CEP192: variants seen among roughly 807,000 people sequenced by gnomAD.
CEP192 encodes centrosomal protein of 192 kDa.
In CEP192, 151 loss-of-function variants were observed where a neutral mutation model predicts 271.8. The ratio of observed to expected loss-of-function variants is 0.56; its 90% CI spans 0.49 to 0.64. The LOEUF (loss-of-function observed/expected upper bound fraction) is 0.64. CEP192 is among the 30% of genes least tolerant of loss of function. The pLI, the probability that CEP192 is intolerant of heterozygous loss-of-function variation, is 0.00. For missense variants in CEP192, 2,910 were observed against 3,020.5 expected (o/e 0.96, Z 0.86); for synonymous variants, 995 against 1,076.5 (o/e 0.92, Z 1.48).
chr18:13,012,587 C>G (rs982887980), intron 4 of CEP192, among the ~76,000 whole-genome samples: 1 of 152,064 alleles, frequency 6.6e-6, no homozygotes, highest in South Asian at 2.1e-4. Flanking sequence ...GCTGCAGCAC[C>G]TTTGTTGCGT....
chr18:13,117,494 G>A, intron 43 of CEP192, 91 bp from the exon 44 acceptor site: 1 of 898,134 alleles, frequency 1.1e-6, no homozygotes, highest in Non-Finnish European at 1.8e-6. Flanking sequence ...TTTACAAAAT[G>A]TATCTGTAAT....
At position 13,068,938 on chromosome 18, in the gene CEP192, A is replaced by T; in HGVS notation, c.4909A>T (p.Ser1637Cys). The T allele has an allele frequency of 1.2e-6, 2 of 1,614,224 alleles. No individual in the cohort carries two copies. Among genetic ancestry groups the T allele is most frequent in the African/African-American group, 1.3e-5 (1 of 75,062 alleles). The stretch of plus-strand genomic sequence containing the variant: ...CCCTACGCCCGTTCTTAGAAGTGTG[A>T]GTCTCCGAGCAAGAGCAGGAATAGC... ...PNPTPVLRSV[S>C]LRARAGIARI... Residue 1637 changes from serine (S) to cysteine (C), a missense_variant, in exon 25 of 45, where the codon AGT becomes TGT. Ser to Cys is a moderately radical substitution (Grantham distance 112). Coordinates refer to ENST00000506447, the MANE Select transcript of CEP192 (RefSeq NM_032142.4).
chr18:13,101,580 G>T (rs1332308784), intron 38 of CEP192, among the ~76,000 whole-genome samples: 1 of 152,060 alleles, frequency 6.6e-6, no homozygotes, highest in Non-Finnish European at 1.5e-5. Context: ...GTTGTCGGGG[G>T]ACCTGTTAGA....
chr18:13,050,536 A>G (rs572674692), intron 17 of CEP192, among the ~76,000 whole-genome samples: 4 of 151,680 alleles, frequency 2.6e-5, no homozygotes, highest in Admixed American at 1.3e-4. Flanking sequence ...ACACTTTCAT[A>G]TACATATACA....
intron 30 of CEP192, among the ~76,000 whole-genome samples, chr18:13,078,707 C>T (rs1163737122): frequency 1.3e-5 from 2 of 152,092 alleles, no homozygotes; most frequent in African/African-American, 4.8e-5. Context: ...CATATGTATA[C>T]ATGTGCCTTG....
intron 17 of CEP192, among the ~76,000 whole-genome samples, chr18:13,051,809 C>T (rs2036810037): frequency 6.6e-6 from 1 of 152,250 alleles, no homozygotes. Context: ...TCCCAAAGTG[C>T]TGGGATTACA....
chr18:13,092,506 A>G lies in CEP192; in HGVS notation c.6233A>G (p.Lys2078Arg). 1.2e-6 allele frequency: 2 copies of G among 1,607,786 alleles called. No individual in the cohort carries two copies. Among genetic ancestry groups the G allele is most frequent in the Non-Finnish European group, 1.7e-6 (2 of 1,177,848 alleles). Residue 2078 changes from lysine (K) to arginine (R), a missense_variant, in exon 34 of 45, where the codon AAA (lysine) becomes AGA (arginine). By Grantham distance (26) the Lys-to-Arg change is conservative. Coordinates refer to ENST00000506447, the MANE Select transcript of CEP192 (RefSeq NM_032142.4). Reference protein sequence around the residue: ...SSREFLQPSSKASLESTSDLG... With the variant: ...SSREFLQPSSRASLESTSDLG... ...AGAGAATTCCTTCAGCCTTCTTCCAAAGCTAGCTTGGAATCTACAAGGTAA... is the reference window on the plus strand; with the variant it reads ...AGAGAATTCCTTCAGCCTTCTTCCAGAGCTAGCTTGGAATCTACAAGGTAA...
At chr18:13,113,528 A>G (rs537352651) in intron 40 of CEP192, 58 bp from the exon 41 acceptor site, 8 of 1,539,504 alleles carry the variant, frequency 5.2e-6, no homozygotes, top group African/African-American at 1.4e-5. Context: ...CTGGTGATCT[A>G]GCTAACACTG....
At chr18:13,098,427 G>A (rs1598596867) in intron 36 of CEP192, among the ~76,000 whole-genome samples, 1 of 147,366 alleles carries the variant, frequency 6.8e-6, no homozygotes, top group Non-Finnish European at 1.5e-5. Context: ...CTCAGACGGG[G>A]CGGCTGCCGG....
chr18:13,095,539 C>T lies in CEP192; in HGVS notation c.6291C>T (p.Val2097=). 6.2e-7 allele frequency: 1 copy of T among 1,613,386 alleles called. No homozygotes were observed. Among genetic ancestry groups the T allele is most frequent in the Non-Finnish European group, 8.5e-7 (1 of 1,179,786 alleles). Residue 2097 remains valine (V), a synonymous_variant, in exon 35 of 45, where the codon GTC becomes GTT. Coordinates refer to ENST00000506447, the MANE Select transcript of CEP192 (RefSeq NM_032142.4). The stretch of plus-strand genomic sequence containing the variant: ...CTTCTGGGAAACATGGTGGCAACGT[C>T]TCTTTGGATGTTTTACCAGTCAAAG... ...LGASGKHGGN[V]SLDVLPVKGP... is the part of the protein sequence containing the mutation.
At chr18:13,051,139 T>G (rs917197203) in intron 17 of CEP192, among the ~76,000 whole-genome samples, 1 of 152,254 alleles carries the variant, frequency 6.6e-6, no homozygotes. Context: ...CATTAGGGTA[T>G]ATCTCTGTTT....
intron 30 of CEP192, among the ~76,000 whole-genome samples, chr18:13,080,368 G>A (rs2038529937): frequency 6.6e-6 from 1 of 152,124 alleles, no homozygotes; most frequent in African/African-American, 2.4e-5. Flanking sequence ...TTGTAAGTTG[G>A]ATTCCTAGAT....
intron 11 of CEP192, among the ~76,000 whole-genome samples, chr18:13,035,310 G>T (rs1400727307): frequency 6.6e-6 from 1 of 152,158 alleles, no homozygotes; most frequent in East Asian, 1.9e-4. Flanking sequence ...AGACATACCC[G>T]AAACTGGGAA....
intron 11 of CEP192, among the ~76,000 whole-genome samples, chr18:13,033,988 G>T (rs949251377): frequency 6.6e-5 from 10 of 152,284 alleles, no homozygotes; most frequent in Admixed American, 4.6e-4. Context: ...GGTTGCTTCT[G>T]GGGGTGTGGG....
intron 40 of CEP192, among the ~76,000 whole-genome samples, chr18:13,111,881 T>C (rs773840675): frequency 6.6e-6 from 1 of 152,176 alleles, no homozygotes; most frequent in Non-Finnish European, 1.5e-5. Context: ...TGCTTAGAAT[T>C]CCTAGTCATT....
chr18:13,113,351 G>A (rs2040291431), intron 40 of CEP192, among the ~76,000 whole-genome samples: 1 of 152,152 alleles, frequency 6.6e-6, no homozygotes, highest in African/African-American at 2.4e-5. Context: ...AGCATTTATT[G>A]TACATTTTAA....
intron 36 of CEP192, 142 bp downstream of exon 36, chr18:13,096,449 T>C: frequency 9.3e-7 from 1 of 1,075,036 alleles, no homozygotes; most frequent in Non-Finnish European, 1.3e-6. Flanking sequence ...TGCATGGTTC[T>C]GCAGGTCAGC....
chr18:13,104,755 G>A (rs79798011), intron 39 of CEP192, among the ~76,000 whole-genome samples: 2 of 152,236 alleles, frequency 1.3e-5, no homozygotes, highest in African/African-American at 4.8e-5. Flanking sequence ...AGCCAGGGAA[G>A]TGATAAAAAT....
At chr18:13,023,934 G>A (rs2035137845) in intron 9 of CEP192, among the ~76,000 whole-genome samples, 2 of 152,056 alleles carry the variant, frequency 1.3e-5, no homozygotes, top group Non-Finnish European at 2.9e-5. Flanking sequence ...TCTATTTCGT[G>A]AGTTTTTTTC....
Sources: allele counts gnomAD v4.1 joint callset (sites outside exome capture counted in the v4.1 genomes callset), GRCh38; gene constraint gnomAD v4.1.1; transcripts MANE v1.5; gene names NCBI Gene and HGNC (gene_info 2026-07-23, HGNC 2026-07-21).